The following CTIF variants were observed in gnomAD, a reference collection of about 807,000 sequenced individuals.
The protein encoded by CTIF is cap binding complex dependent translation initiation factor.
CTIF carries 21 observed loss-of-function variants against 66.0 expected under a neutral mutation model. That is an observed-to-expected ratio of 0.32 (90% CI 0.23 to 0.46). The LOEUF is 0.46. Ranked by LOEUF, CTIF falls within the 20% of genes least tolerant of loss-of-function variation. The pLI, the probability that CTIF is intolerant of heterozygous loss-of-function variation, is 1.00. For synonymous variants in CTIF, 345 were observed against 326.4 expected, an observed-to-expected ratio of 1.06 and a Z score of -0.62; for missense variants, 739 against 812.7, an observed-to-expected ratio of 0.91 and a Z score of 1.10.
At chr18:48,544,222 T>C (rs965619281) in intron 1 of CTIF, among the ~76,000 whole-genome samples, 1 of 152,240 alleles carries the variant, frequency 6.6e-6, no homozygotes, top group Admixed American at 6.5e-5. Context: ...CTGCACTTGA[T>C]TTGGCTTTAC....
At chr18:48,675,277 G>A (rs576733809) in intron 6 of CTIF, among the ~76,000 whole-genome samples, 70 of 152,308 alleles carry the variant, frequency 4.6e-4, no homozygotes, top group Non-Finnish European at 7.2e-4. Context: ...GGAGGGGTTG[G>A]CCAGGCTACC....
intron 7 of CTIF, among the ~76,000 whole-genome samples, chr18:48,748,583 C>T (rs951974679): frequency 1.3e-5 from 2 of 152,088 alleles, no homozygotes; most frequent in Non-Finnish European, 2.9e-5. Flanking sequence ...TTGTGAGGTC[C>T]GTTTGATTGA....
At chr18:48,843,557 G>A (rs1218785862) in intron 10 of CTIF, among the ~76,000 whole-genome samples, 4 of 152,058 alleles carry the variant, frequency 2.6e-5, no homozygotes, top group Non-Finnish European at 5.9e-5. Flanking sequence ...TTTATAATGG[G>A]GGCCCTGAGG....
chr18:48,705,460 A>G (rs1445299645), intron 6 of CTIF, among the ~76,000 whole-genome samples: 1 of 152,234 alleles, frequency 6.6e-6, no homozygotes, highest in Non-Finnish European at 1.5e-5. Context: ...TTACTTCATC[A>G]TAACTTGATT....
intron 9 of CTIF, among the ~76,000 whole-genome samples, chr18:48,772,520 C>T (rs971409798): frequency 1.3e-5 from 2 of 151,910 alleles, no homozygotes; most frequent in Non-Finnish European, 2.9e-5. Flanking sequence ...TCCCCTACAG[C>T]AATGCCTCCC....
At chr18:48,630,428 T>C (rs1021778202) in intron 2 of CTIF, among the ~76,000 whole-genome samples, 2 of 152,230 alleles carry the variant, frequency 1.3e-5, no homozygotes, top group Non-Finnish European at 2.9e-5. Context: ...TCAATCACCT[T>C]GGAATGTGTT....
At chr18:48,545,783 G>A (rs578015709) in intron 1 of CTIF, among the ~76,000 whole-genome samples, 45 of 152,310 alleles carry the variant, frequency 3.0e-4, no homozygotes, top group African/African-American at 1.1e-3. Flanking sequence ...TGGGAGCGGG[G>A]AAGCATTGGC....
intron 6 of CTIF, among the ~76,000 whole-genome samples, chr18:48,679,830 G>A (rs1332943241): frequency 6.6e-6 from 1 of 152,194 alleles, no homozygotes; most frequent in Non-Finnish European, 1.5e-5. Context: ...GCCTCCTGGA[G>A]GAGGTAGACC....
At chr18:48,768,534 C>T (rs1909793463) in intron 9 of CTIF, among the ~76,000 whole-genome samples, 1 of 152,212 alleles carries the variant, frequency 6.6e-6, no homozygotes, top group South Asian at 2.1e-4. Context: ...ATTGACCCAG[C>T]ATCACGAGGC....
chr18:48,795,717 T>C (rs548564965), intron 9 of CTIF, among the ~76,000 whole-genome samples: 2 of 152,338 alleles, frequency 1.3e-5, no homozygotes, highest in African/African-American at 4.8e-5. Context: ...ACTTTCTCTG[T>C]TGTCATCAGC....
Position 48,758,346 on chromosome 18 carries a change from C to T in CTIF, c.1012C>T (p.Pro338Ser), listed in dbSNP as rs1189027684. ...TCTTCCCGAGCGCATCGGGGAGCGGCCCAAAATTACCCTGCTCCAGTCTTC... is the reference window on the plus strand; with the variant it reads ...TCTTCCCGAGCGCATCGGGGAGCGGTCCAAAATTACCCTGCTCCAGTCTTC... ...SILPERIGER[P>S]KITLLQSSKD... The change falls in exon 8 of 12, where the codon CCC (proline) becomes TCC (serine). Residue 338 changes from proline (P) to serine (S), a missense_variant. Around this residue, in one of 2 missense-constraint regions of CTIF, gnomAD observed 529 missense variants for 520.3 expected, o/e 1.02. Coordinates refer to ENST00000256413, the MANE Select transcript of CTIF (RefSeq NM_014772.3). 1.9e-6 allele frequency: 3 copies of T among 1,611,306 alleles called. No individual in the cohort carries two copies. The highest frequency in any genetic ancestry group is 8.5e-7 in the Non-Finnish European group (1 of 1,179,088).
intron 9 of CTIF, among the ~76,000 whole-genome samples, chr18:48,779,332 G>A (rs117214554): frequency 1.2e-4 from 19 of 152,276 alleles, no homozygotes; most frequent in South Asian, 4.2e-4. Context: ...TTATACATGG[G>A]GAAAGAAAGT....
chr18:48,606,952 C>G (rs2090212602), intron 1 of CTIF, among the ~76,000 whole-genome samples: 1 of 152,098 alleles, frequency 6.6e-6, no homozygotes, highest in African/African-American at 2.4e-5. Context: ...TCTCAATAAA[C>G]ACAGGTATTT....
intron 3 of CTIF, among the ~76,000 whole-genome samples, chr18:48,639,071 A>G (rs2090878778): frequency 6.6e-6 from 1 of 152,244 alleles, no homozygotes; most frequent in Non-Finnish European, 1.5e-5. Context: ...CCCCTGCCAC[A>G]GACATGTGTG....
At chr18:48,652,148 GGAGA>G (rs2091166155) in intron 3 of CTIF, among the ~76,000 whole-genome samples, 1 of 152,178 alleles carries the variant, frequency 6.6e-6, no homozygotes, top group Admixed American at 6.5e-5. Context: ...CAGAACTGAA[GGAGA>G]TAGAGACGCA....
chr18:48,610,605 C>T (rs1350384773), intron 1 of CTIF, among the ~76,000 whole-genome samples: 1 of 152,226 alleles, frequency 6.6e-6, no homozygotes, highest in Non-Finnish European at 1.5e-5. Context: ...CCTCCCTCTC[C>T]AGGGCCTCCG....
intron 10 of CTIF, among the ~76,000 whole-genome samples, chr18:48,854,757 C>T (rs1433384397): frequency 1.3e-5 from 2 of 151,774 alleles, no homozygotes; most frequent in Non-Finnish European, 2.9e-5. Context: ...CCTGTCTCTA[C>T]AAAAAATAAA....
intron 2 of CTIF, among the ~76,000 whole-genome samples, chr18:48,635,990 G>A (rs1484337290): frequency 6.6e-6 from 1 of 152,216 alleles, no homozygotes; most frequent in African/African-American, 2.4e-5. Flanking sequence ...AATTCAGTGG[G>A]TAAAGCCTGG....
At chr18:48,612,548 G>C (rs1373086540) in intron 1 of CTIF, among the ~76,000 whole-genome samples, 1 of 152,236 alleles carries the variant, frequency 6.6e-6, no homozygotes. Context: ...AGCAACCTGG[G>C]AGCACAGTGC....
Sources: allele counts gnomAD v4.1 joint callset (sites outside exome capture counted in the v4.1 genomes callset), GRCh38; gene constraint gnomAD v4.1.1; regional missense constraint gnomAD v4.1.1; transcripts MANE v1.5; gene names NCBI Gene and HGNC (gene_info 2026-07-23, HGNC 2026-07-21).